The following CA10 variants were observed in gnomAD, a reference collection of about 807,000 sequenced individuals.
CA10 encodes carbonic anhydrase-related protein 10.
CA10 carries 14 observed loss-of-function variants against 44.2 expected under a neutral mutation model. That is an observed-to-expected ratio of 0.32 (90% CI 0.21 to 0.50). The LOEUF is 0.50. Among genes scored for constraint, CA10 ranks in the 20% least tolerant of loss-of-function variants. The pLI is 0.99. For synonymous variants in CA10, 159 were observed against 141.6 expected (o/e 1.12, Z -0.87); for missense variants, 350 against 409.7 (o/e 0.85, Z 1.26).
At chr17:51,822,383 C>G (rs1162945964) in intron 3 of CA10, among the ~76,000 whole-genome samples, 1 of 152,096 alleles carries the variant, frequency 6.6e-6, no homozygotes. Flanking sequence ...CCACTGCACT[C>G]CAGCCTGGGT....
intron 6 of CA10, among the ~76,000 whole-genome samples, chr17:51,644,947 C>T (rs879704474): frequency 1.6e-4 from 25 of 151,872 alleles, no homozygotes; most frequent in Middle Eastern, 3.4e-3. Flanking sequence ...TACAGGCGCG[C>T]GCCACAATCC....
intron 4 of CA10, among the ~76,000 whole-genome samples, chr17:51,736,555 C>T (rs2143576349): frequency 6.6e-6 from 1 of 152,292 alleles, no homozygotes; most frequent in South Asian, 2.1e-4. Context: ...CCTGGCTAAG[C>T]TCATTTTGCC....
chr17:52,072,507 C>A, intron 1 of CA10, 114 bp from the exon 2 acceptor site: 4 of 647,436 alleles, frequency 6.2e-6, no homozygotes, highest in South Asian at 2.0e-5. Flanking sequence ...ACCCCAAAGT[C>A]ATACTACAAC....
At chr17:51,714,089 CTG>C (rs918412688) in intron 4 of CA10, among the ~76,000 whole-genome samples, 8 of 152,148 alleles carry the variant, frequency 5.3e-5, no homozygotes, top group African/African-American at 1.9e-4. Context: ...TTTGCTCTGT[CTG>C]TATATGTGTG....
chr17:52,040,837 T>C (rs1351993788), intron 2 of CA10, among the ~76,000 whole-genome samples: 3 of 152,038 alleles, frequency 2.0e-5, no homozygotes, highest in East Asian at 2.0e-4. Flanking sequence ...GATGGGTCTT[T>C]TGAGTCTTTG....
At chr17:51,718,254 T>C (rs1430002629) in intron 4 of CA10, among the ~76,000 whole-genome samples, 2 of 136,930 alleles carry the variant, frequency 1.5e-5, no homozygotes. Flanking sequence ...TAAAATGAAA[T>C]AAAAGCCAAA....
chr17:51,777,787 C>A (rs1272578276), intron 3 of CA10, among the ~76,000 whole-genome samples: 2 of 152,070 alleles, frequency 1.3e-5, no homozygotes, highest in Admixed American at 6.6e-5. Context: ...AAATATTTAG[C>A]CAGGCGTGGT....
At chr17:52,089,717 A>G (rs1205223577) in intron 1 of CA10, among the ~76,000 whole-genome samples, 1 of 152,074 alleles carries the variant, frequency 6.6e-6, no homozygotes, top group Non-Finnish European at 1.5e-5. Context: ...TGAAATGTAT[A>G]TATATTTTAT....
chr17:51,983,088 G>A (rs1984706502), intron 2 of CA10, among the ~76,000 whole-genome samples: 1 of 148,946 alleles, frequency 6.7e-6, no homozygotes, highest in South Asian at 2.2e-4. Context: ...TTTTTTATAG[G>A]AAATTTTTTT....
At chr17:51,744,185 C>T (rs1374738945) in intron 4 of CA10, among the ~76,000 whole-genome samples, 5 of 151,888 alleles carry the variant, frequency 3.3e-5, no homozygotes, top group Non-Finnish European at 7.4e-5. Flanking sequence ...TGTGGTGGTG[C>T]ACACCTGTAA....
chr17:51,664,694 T>C (rs986510749), intron 4 of CA10, among the ~76,000 whole-genome samples: 11 of 152,038 alleles, frequency 7.2e-5, no homozygotes, highest in African/African-American at 2.2e-4. Context: ...AGCATGTCTC[T>C]GTGATGCTGA....
chr17:51,964,941 C>A (rs776007131), intron 2 of CA10, among the ~76,000 whole-genome samples: 1 of 151,680 alleles, frequency 6.6e-6, no homozygotes, highest in Non-Finnish European at 1.5e-5. Flanking sequence ...CCCCCAAATC[C>A]ATACAAAGGG....
intron 1 of CA10, among the ~76,000 whole-genome samples, chr17:52,117,108 T>C (rs1988914120): frequency 6.6e-6 from 1 of 152,236 alleles, no homozygotes; most frequent in Non-Finnish European, 1.5e-5. Context: ...AAGGCCTTTA[T>C]GTTTTTCTCT....
At chr17:51,643,270 CAATT>C (rs1449311424) in intron 6 of CA10, among the ~76,000 whole-genome samples, 1 of 151,968 alleles carries the variant, frequency 6.6e-6, no homozygotes, top group Non-Finnish European at 1.5e-5. Flanking sequence ...TAATTAATGC[CAATT>C]AATTAACACA....
chr17:52,091,363 A>G (rs1031979608), intron 1 of CA10, among the ~76,000 whole-genome samples: 12 of 152,158 alleles, frequency 7.9e-5, no homozygotes, highest in Non-Finnish European at 1.5e-5. Context: ...CCAGTGAACT[A>G]GATTTCACTG....
chr17:51,656,322 G>T (rs1913791149), intron 4 of CA10, among the ~76,000 whole-genome samples: 1 of 152,228 alleles, frequency 6.6e-6, no homozygotes, highest in Non-Finnish European at 1.5e-5. Context: ...GCCTCTCAGG[G>T]TGGGGTTCTT....
chr17:52,108,462 G>C (rs1189026825), intron 1 of CA10, among the ~76,000 whole-genome samples: 2 of 151,332 alleles, frequency 1.3e-5, no homozygotes, highest in Admixed American at 1.3e-4. Context: ...ACTTCGGAAG[G>C]CCAAGGCAGG....
At chr17:51,733,398 G>T (rs2143566857) in intron 4 of CA10, among the ~76,000 whole-genome samples, 1 of 152,290 alleles carries the variant, frequency 6.6e-6, no homozygotes, top group East Asian at 1.9e-4. Context: ...AAGCTGAAAA[G>T]CACTCAGAAG....
In CA10 at chr17:52,111,574, C is replaced by T. The variant is rs139130154; in HGVS notation, c.62-39181G>A. Among the ~76,000 whole-genome samples, 1,247 of 152,234 alleles carry T rather than the reference C, an allele frequency of 8.2e-3. 17 individuals are homozygous for T. Among genetic ancestry groups the T allele is most frequent in the Middle Eastern group, 0.051 (15 of 292 alleles). ...TAAGTAATGTATACAGGTCCCAGTA[C>T]CTGCTCAGATTAGATTGTATCAGCA... On this transcript the variant is annotated intron_variant, in intron 1 of 8. Coordinates refer to ENST00000451037, the MANE Select transcript of CA10 (RefSeq NM_020178.5).
Sources: gnomAD v4.1 joint callset for allele counts (sites outside exome capture counted in the v4.1 genomes callset) on GRCh38, gnomAD v4.1.1 for gene constraint, MANE v1.5 for transcripts, NCBI Gene and HGNC (gene_info 2026-07-23, HGNC 2026-07-21) for gene names.